NECAB1: variants seen among roughly 807,000 people sequenced by gnomAD.
NECAB1 encodes the protein N-terminal EF-hand calcium binding protein 1, also known as N-terminal EF-hand calcium-binding protein 1.
Under a neutral mutation model 57.5 loss-of-function variants are expected in NECAB1, and 29 were observed. That is an observed-to-expected ratio of 0.50 (90% CI 0.38 to 0.69). The LOEUF (loss-of-function observed/expected upper bound fraction) is 0.69, where lower values mean the gene tolerates loss of function less well. Among genes scored for constraint, NECAB1 ranks in the 30% least tolerant of loss-of-function variants. NECAB1 has a pLI of 0.00. For synonymous variants in NECAB1, 142 were observed against 147.7 expected (o/e 0.96, Z 0.28); for missense variants, 372 against 413.8 (o/e 0.90, Z 0.88).
intron 5 of NECAB1, among the ~76,000 whole-genome samples, chr8:90,902,700 A>G (rs1341011667): frequency 6.6e-6 from 1 of 152,158 alleles, no homozygotes; most frequent in African/African-American, 2.4e-5. Context: ...CCAATTGTTC[A>G]AAAACACAGG....
At chr8:90,816,705 A>G (rs1300965393) in intron 2 of NECAB1, among the ~76,000 whole-genome samples, 2 of 151,828 alleles carry the variant, frequency 1.3e-5, no homozygotes, top group South Asian at 2.1e-4. Context: ...TTGTTTTACA[A>G]TACAACACTG....
Position 90,806,982 on chromosome 8 carries a change from T to C in NECAB1, c.124+5267T>C, listed in dbSNP as rs191987683. Reference sequence around the variant, plus strand: ...ACCCAGGTCTATTTCACTTCATATTTGGTGATTTTTTTTCACTTTGTTGTA... The same window carrying C: ...ACCCAGGTCTATTTCACTTCATATTCGGTGATTTTTTTTCACTTTGTTGTA... On this transcript the variant is annotated intron_variant, in intron 2 of 12. Transcript: ENST00000417640. Among the ~76,000 whole-genome samples, 3 of 152,352 alleles carry C rather than the reference T, an allele frequency of 2.0e-5. No homozygotes were observed. In the East Asian group the frequency reaches 5.8e-4, roughly 29 times the overall value.
chr8:90,842,130 C>T (rs1812465756), intron 3 of NECAB1, among the ~76,000 whole-genome samples: 1 of 152,090 alleles, frequency 6.6e-6, no homozygotes, highest in South Asian at 2.1e-4. Context: ...CAGTAAACCA[C>T]CATGGCACAC....
At chr8:90,894,198 CATAA>C (rs1319221449) in intron 5 of NECAB1, among the ~76,000 whole-genome samples, 1 of 152,136 alleles carries the variant, frequency 6.6e-6, no homozygotes, top group Admixed American at 6.5e-5. Flanking sequence ...TTTTTTCTCA[CATAA>C]ATATTTTTAA....
intron 3 of NECAB1, among the ~76,000 whole-genome samples, chr8:90,861,692 G>T (rs1261533508): frequency 6.6e-6 from 1 of 152,078 alleles, no homozygotes; most frequent in Non-Finnish European, 1.5e-5. Context: ...AATATATTAG[G>T]TTATTCGATC....
chr8:90,935,601 G>A (rs550357469), intron 9 of NECAB1, among the ~76,000 whole-genome samples: 50 of 152,200 alleles, frequency 3.3e-4, no homozygotes, highest in African/African-American at 9.1e-4. Context: ...TTATCTTCTC[G>A]TAGGTTTGCA....
intron 5 of NECAB1, among the ~76,000 whole-genome samples, chr8:90,886,845 C>T (rs1809007732): frequency 6.6e-6 from 1 of 151,984 alleles, no homozygotes; most frequent in South Asian, 2.1e-4. Context: ...ATTTTTCCTT[C>T]CCATGCAGGC....
At chr8:90,929,587 T>A (rs761133094) in intron 8 of NECAB1, among the ~76,000 whole-genome samples, 2 of 151,908 alleles carry the variant, frequency 1.3e-5, no homozygotes, top group Admixed American at 6.6e-5. Context: ...GAAGGAAGAG[T>A]CTGGTTGGTC....
intron 3 of NECAB1, among the ~76,000 whole-genome samples, chr8:90,857,698 T>A (rs1428089204): frequency 2.0e-5 from 3 of 152,152 alleles, no homozygotes; most frequent in Non-Finnish European, 4.4e-5. Flanking sequence ...CAAGCTACAA[T>A]TCTTCCTTGG....
At chr8:90,840,166 C>A (rs1361838680) in intron 3 of NECAB1, among the ~76,000 whole-genome samples, 1 of 152,186 alleles carries the variant, frequency 6.6e-6, no homozygotes, top group African/African-American at 2.4e-5. Flanking sequence ...ACAGAATTGA[C>A]TTCACGGATT....
At chr8:90,829,915 A>T (rs1812277912) in intron 3 of NECAB1, among the ~76,000 whole-genome samples, 1 of 152,062 alleles carries the variant, frequency 6.6e-6, no homozygotes, top group African/African-American at 2.4e-5. Context: ...TGCCAATGAG[A>T]TAAAGTCCCA....
chr8:90,890,081 C>T (rs570301742), intron 5 of NECAB1, among the ~76,000 whole-genome samples: 2 of 152,292 alleles, frequency 1.3e-5, no homozygotes, highest in African/African-American at 2.4e-5. Flanking sequence ...CTCTGACATA[C>T]ATGCCTATCC....
At position 90,957,344 on chromosome 8, in the gene NECAB1, T is replaced by C. The variant is rs1350014173; in HGVS notation, c.*1832T>C. 6.6e-6 allele frequency: 1 copy of C among 151,876 alleles called. No individual in the cohort carries two copies. The highest frequency in any genetic ancestry group is 1.5e-5 in the Non-Finnish European group (1 of 67,864). The allele number at this position is 151,876 out of a possible 1,614,324, so 9.4% of individuals were successfully genotyped here. ...CAAAAAGCATATCAAATATTTTGGG[T>C]ACTAGGCAGTTTCCAAAGTAGCATG... is the stretch of plus-strand genomic sequence containing the variant. On this transcript the variant is annotated 3_prime_UTR_variant, in exon 13 of 13. Transcript: ENST00000417640.
At chr8:90,921,706 C>G (rs150729185) in intron 6 of NECAB1, among the ~76,000 whole-genome samples, 54 of 152,160 alleles carry the variant, frequency 3.5e-4, no homozygotes, top group African/African-American at 1.2e-3. Context: ...GAGTTACAAC[C>G]TGCAGGTATC....
intron 3 of NECAB1, among the ~76,000 whole-genome samples, chr8:90,861,081 T>G (rs1812893315): frequency 6.6e-6 from 1 of 152,180 alleles, no homozygotes; most frequent in Admixed American, 6.5e-5. Context: ...TATTTTCTAT[T>G]CAATATAACA....
chr8:90,885,031 A>G (rs947254219), intron 5 of NECAB1, among the ~76,000 whole-genome samples: 2 of 152,222 alleles, frequency 1.3e-5, no homozygotes, highest in African/African-American at 4.8e-5. Flanking sequence ...TGCAGTACCT[A>G]CTTCCTGGAC....
intron 1 of NECAB1, among the ~76,000 whole-genome samples, chr8:90,794,584 G>T (rs555385743): frequency 1.3e-5 from 2 of 152,292 alleles, no homozygotes; most frequent in Non-Finnish European, 2.9e-5. Context: ...TGACCAGCTG[G>T]TTGGAAACTA....
rs1811080018 is a variant in NECAB1, at chr8:90,958,847, C to A, written c.*3335C>A. 3.9e-6 allele frequency: 2 copies of A among 518,862 alleles called. No individual in the cohort carries two copies. The highest frequency in any genetic ancestry group is 6.7e-6 in the Non-Finnish European group (2 of 299,268). The allele number at this position is 518,862 out of a possible 1,614,324, so 32.1% of individuals were successfully genotyped here. The stretch of plus-strand genomic sequence containing the variant: ...CAAAGCTGAAACTGATTAGAAAATT[C>A]TTTATATTTTAAAATAGCTCTTTCT... On this transcript the variant is annotated 3_prime_UTR_variant, in exon 13 of 13. Coordinates refer to ENST00000417640, the MANE Select transcript of NECAB1 (RefSeq NM_022351.5).
At chr8:90,857,864 G>A (rs965609031) in intron 3 of NECAB1, among the ~76,000 whole-genome samples, 2 of 152,028 alleles carry the variant, frequency 1.3e-5, no homozygotes, top group Non-Finnish European at 2.9e-5. Context: ...GATATAAAGT[G>A]GTGACTCAGT....
Sources: gnomAD v4.1 joint callset for allele counts (sites outside exome capture counted in the v4.1 genomes callset) on GRCh38, gnomAD v4.1.1 for gene constraint, MANE v1.5 for transcripts, NCBI Gene and HGNC (gene_info 2026-07-23, HGNC 2026-07-21) for gene names.